Variants in SNTB2 observed in about 807,000 individuals in gnomAD.
SNTB2 encodes beta-2-syntrophin.
Under a neutral mutation model 46.2 loss-of-function variants are expected in SNTB2, and 34 were observed. That is an observed-to-expected ratio of 0.74 (90% CI 0.56 to 0.98). The LOEUF (loss-of-function observed/expected upper bound fraction) is 0.98, where lower values mean the gene tolerates loss of function less well. SNTB2 is among the 50% of genes least tolerant of loss of function. SNTB2 has a pLI of 0.00. For missense variants in SNTB2, 603 were observed against 731.4 expected, an observed-to-expected ratio of 0.82 and a Z score of 2.02; for synonymous variants, 290 against 312.6, an observed-to-expected ratio of 0.93 and a Z score of 0.76.
chr16:69,201,640 T>A (rs906920428), intron 1 of SNTB2, among the ~76,000 whole-genome samples: 1 of 152,168 alleles, frequency 6.6e-6, no homozygotes, highest in Admixed American at 6.6e-5. Context: ...TTTTGTTAGA[T>A]TATTGTCAAC....
Position 69,245,681 on chromosome 16 carries a change from C to G in SNTB2, c.660C>G (p.Pro220=). 1.9e-6 allele frequency: 3 copies of G among 1,614,026 alleles called. No homozygotes were observed. Among genetic ancestry groups the G allele is most frequent in the Non-Finnish European group, 1.7e-6 (2 of 1,180,002 alleles). Residue 220 remains proline (P), a synonymous_variant, in exon 2 of 7, where the codon CCC becomes CCG. Coordinates refer to ENST00000336278, the MANE Select transcript of SNTB2 (RefSeq NM_006750.4). ...ATCTGCCGTGGGAAGGTGCAGCCCCCCAGTCACCAAGCTTTAGTGGCAGTG... is the reference window on the plus strand; with the variant it reads ...ATCTGCCGTGGGAAGGTGCAGCCCCGCAGTCACCAAGCTTTAGTGGCAGTG... ...VSDLPWEGAA[P]QSPSFSGSED...
chr16:69,261,419 A>G (rs951474285), intron 3 of SNTB2, among the ~76,000 whole-genome samples: 2 of 151,760 alleles, frequency 1.3e-5, no homozygotes, highest in Admixed American at 6.6e-5. Flanking sequence ...GGTGGTACCA[A>G]GTAATTGTGG....
intron 2 of SNTB2, among the ~76,000 whole-genome samples, chr16:69,251,333 TATTAATA>T (rs1964723493): frequency 6.6e-6 from 1 of 151,794 alleles, no homozygotes; most frequent in Admixed American, 6.6e-5. Flanking sequence ...GTGGAGTTAG[TATTAATA>T]AAGTTACTGA....
In SNTB2 at chr16:69,308,376, A is replaced by T. The variant is rs773038236; in HGVS notation, c.*7452A>T. 1 of 152,626 alleles carries T rather than the reference A, an allele frequency of 6.6e-6. No homozygotes were observed. The highest frequency in any genetic ancestry group is 1.5e-5 in the Non-Finnish European group (1 of 68,042). The allele number at this position is 152,626 out of a possible 1,614,324, so 9.5% of individuals were successfully genotyped here. A position where few individuals can be genotyped will look rare whatever the true frequency, so the allele number is the denominator to read the frequency against. ...AAGTTTCAGGTTTGGCATGATCATC[A>T]TTCTCGATGATATTCTCACTTTGTC... is the stretch of plus-strand genomic sequence containing the variant. On this transcript the variant is annotated 3_prime_UTR_variant, in exon 7 of 7. Transcript: ENST00000336278.
intron 6 of SNTB2, among the ~76,000 whole-genome samples, chr16:69,300,250 TC>T (rs1567418375): frequency 6.6e-6 from 1 of 151,996 alleles, no homozygotes. Flanking sequence ...CCGTCATTTT[TC>T]TTTTTTTTTT....
intron 2 of SNTB2, among the ~76,000 whole-genome samples, chr16:69,252,509 C>T (rs559353411): frequency 6.6e-6 from 1 of 152,224 alleles, no homozygotes. Flanking sequence ...CATTGGTTCA[C>T]AGTGCCTCAG....
chr16:69,283,373 A>G (rs536986518), intron 4 of SNTB2, among the ~76,000 whole-genome samples: 13 of 152,286 alleles, frequency 8.5e-5, no homozygotes, highest in African/African-American at 2.6e-4. Context: ...ACATTTCTTC[A>G]TAGGCCAAAT....
intron 4 of SNTB2, among the ~76,000 whole-genome samples, chr16:69,276,841 C>T (rs1320454016): frequency 5.3e-5 from 8 of 152,178 alleles, no homozygotes; most frequent in East Asian, 1.9e-4. Context: ...TCATTGTATC[C>T]GTCCCCACGT....
chr16:69,271,429 C>T (rs1964936630), intron 4 of SNTB2, among the ~76,000 whole-genome samples: 1 of 152,106 alleles, frequency 6.6e-6, no homozygotes. Context: ...TTTAAATCCC[C>T]ACTAAATTAT....
chr16:69,236,989 G>A (rs1185150916), intron 1 of SNTB2, among the ~76,000 whole-genome samples: 1 of 152,186 alleles, frequency 6.6e-6, no homozygotes, highest in African/African-American at 2.4e-5. Flanking sequence ...AGATGATGAT[G>A]CTAATCCTTA....
At chr16:69,283,169 C>T (rs1334180785) in intron 4 of SNTB2, among the ~76,000 whole-genome samples, 2 of 152,012 alleles carry the variant, frequency 1.3e-5, no homozygotes, top group African/African-American at 4.8e-5. Flanking sequence ...CTGTATTGCC[C>T]AGATTGGTCT....
intron 1 of SNTB2, among the ~76,000 whole-genome samples, chr16:69,210,899 G>T (rs1964277343): frequency 1.3e-5 from 2 of 152,094 alleles, no homozygotes; most frequent in Admixed American, 1.3e-4. Context: ...ACTGAGGCAG[G>T]AGAATCGCTT....
intron 5 of SNTB2, among the ~76,000 whole-genome samples, chr16:69,292,411 ATATATATTATATATATATATATAT>A (rs1567416475): frequency 0.17 from 3,796 of 22,906 alleles, 797 homozygotes; most frequent in South Asian, 0.25. Flanking sequence ...TATATATTAT[ATATATATTATATATATATATATAT>A]TATATATATA....
intron 2 of SNTB2, among the ~76,000 whole-genome samples, chr16:69,259,106 A>G (rs1246193719): frequency 1.3e-5 from 2 of 151,974 alleles, no homozygotes; most frequent in Non-Finnish European, 2.9e-5. Flanking sequence ...AGGCAAAGTG[A>G]TCTACTGTAG....
chr16:69,263,777 A>G (rs112549497), intron 3 of SNTB2, among the ~76,000 whole-genome samples: 180 of 152,150 alleles, frequency 1.2e-3, no homozygotes, highest in Non-Finnish European at 1.7e-3. Context: ...TGTATTATCT[A>G]TTAAATGAGT....
rs1567414678 is a variant in SNTB2 at position 69,284,459 on chromosome 16, T to TGAAA, written c.1345+215_1345+216insGAAA. On this transcript the variant is annotated intron_variant, in intron 5 of 6. Transcript: ENST00000336278. ...CAACATGGTGAAACCCCGTCTTTACTAAAAAAAAAAAAAAAAAAAAAAAAA... is the reference window on the plus strand; with the variant it reads ...CAACATGGTGAAACCCCGTCTTTACTGAAAAAAAAAAAAAAAAAAAAAAAAAAAA... 8.7e-5 allele frequency among the ~76,000 whole-genome samples: 4 copies of TGAAA among 45,908 alleles called. 2 individuals are homozygous for TGAAA. Among genetic ancestry groups the TGAAA allele is most frequent in the African/African-American group, 1.7e-4 (2 of 11,782 alleles). The allele number at this position is 45,908 out of a possible 152,430, so 30.1% of individuals were successfully genotyped here. A position where few individuals can be genotyped will look rare whatever the true frequency, so the allele number is the denominator to read the frequency against.
chr16:69,210,177 C>T (rs1964266861), intron 1 of SNTB2, among the ~76,000 whole-genome samples: 1 of 151,574 alleles, frequency 6.6e-6, no homozygotes, highest in Non-Finnish European at 1.5e-5. Context: ...TGCACACCAC[C>T]ATGCCTGGCT....
intron 1 of SNTB2, among the ~76,000 whole-genome samples, chr16:69,217,833 G>T (rs911533409): frequency 4.6e-5 from 7 of 152,084 alleles, no homozygotes; most frequent in African/African-American, 1.7e-4. Flanking sequence ...TAAGCATGTT[G>T]TAGGAGTCTC....
intron 2 of SNTB2, among the ~76,000 whole-genome samples, chr16:69,248,636 A>G (rs964724607): frequency 1.3e-5 from 2 of 152,214 alleles, no homozygotes; most frequent in Middle Eastern, 3.4e-3. Context: ...TGTCTCAAAT[A>G]AAATAAAATA....
Sources: gnomAD v4.1 joint callset for allele counts (sites outside exome capture counted in the v4.1 genomes callset) on GRCh38, gnomAD v4.1.1 for gene constraint, MANE v1.5 for transcripts, NCBI Gene and HGNC (gene_info 2026-07-23, HGNC 2026-07-21) for gene names.